ACSF2: variants seen among roughly 807,000 people sequenced by gnomAD.
ACSF2 encodes medium-chain acyl-CoA ligase ACSF2, mitochondrial.
ACSF2 carries 52 observed loss-of-function variants against 79.3 expected under a neutral mutation model. The ratio of observed to expected loss-of-function variants is 0.66; its 90% CI spans 0.53 to 0.83. ACSF2 has a LOEUF of 0.83. ACSF2 is among the 40% of genes least tolerant of loss of function. ACSF2 has a pLI of 0.00. For missense variants in ACSF2, 661 were observed against 803.3 expected (o/e 0.82, Z 2.14); for synonymous variants, 283 against 312.6 (o/e 0.91, Z 1.00).
At chr17:50,443,244 T>G (rs964708303) in intron 1 of ACSF2, among the ~76,000 whole-genome samples, 8 of 152,264 alleles carry the variant, frequency 5.3e-5, no homozygotes, top group South Asian at 4.1e-4. Context: ...TGTTGTTGTT[T>G]TTTAGAATAG....
intron 2 of ACSF2, 70 bp downstream of exon 2, chr17:50,460,942 C>G: frequency 6.6e-7 from 1 of 1,505,930 alleles, no homozygotes. Flanking sequence ...TGGGCAGAAC[C>G]AGGAGCGTGG....
At chr17:50,444,915 A>C (rs2031196510) in intron 1 of ACSF2, among the ~76,000 whole-genome samples, 1 of 151,928 alleles carries the variant, frequency 6.6e-6, no homozygotes, top group Non-Finnish European at 1.5e-5. Flanking sequence ...GCAATTAGAT[A>C]ATGTGGCTTT....
At position 50,463,529 on chromosome 17, in the gene ACSF2, A is replaced by C. The variant is rs775346381; in HGVS notation, c.1023A>C (p.Ala341=). The C allele has an allele frequency of 3.1e-6, 5 of 1,614,018 alleles. No homozygotes were observed. Among genetic ancestry groups the C allele is most frequent in the Non-Finnish European group, 4.2e-6 (5 of 1,180,020 alleles). The change falls in exon 8 of 16, where the codon GCA becomes GCC. Residue 341 remains alanine, a synonymous_variant. Transcript: ENST00000300441. The surrounding 1 kb of genome is among the most constrained non-coding windows in gnomAD (Gnocchi z 4.6). ...CTCCCATCTTCAATGGCAAGAAGGC[A>C]CTGGAGGCCATCAGCAGAGAGAGGT... is the stretch of plus-strand genomic sequence containing the variant. ...LASPIFNGKK[A]LEAISRERGT...
intron 1 of ACSF2, among the ~76,000 whole-genome samples, chr17:50,446,093 T>C (rs2031280744): frequency 6.6e-6 from 1 of 152,244 alleles, no homozygotes; most frequent in African/African-American, 2.4e-5. Context: ...AGATGTGTTT[T>C]CTTGGCTTGC....
At chr17:50,448,430 G>T (rs762246388) in intron 1 of ACSF2, among the ~76,000 whole-genome samples, 1 of 152,316 alleles carries the variant, frequency 6.6e-6, no homozygotes, top group Non-Finnish European at 1.5e-5. Flanking sequence ...AGGTGTGATT[G>T]TGTCACATTC....
chr17:50,440,271 T>C (rs1178866535), intron 1 of ACSF2, among the ~76,000 whole-genome samples: 1 of 151,434 alleles, frequency 6.6e-6, no homozygotes, highest in Non-Finnish European at 1.5e-5. Flanking sequence ...ATGGGGACTG[T>C]TCCTGCAGTC....
chr17:50,430,819 G>A (rs1288993348), intron 1 of ACSF2, among the ~76,000 whole-genome samples: 1 of 152,202 alleles, frequency 6.6e-6, no homozygotes, highest in African/African-American at 2.4e-5. Flanking sequence ...CTAGTTAGGA[G>A]CAAAATGCCT....
rs1322638797 is a variant in ACSF2, at chr17:50,463,729, C to A, written c.1047-89C>A. 3 of 1,505,306 alleles carry A rather than the reference C, an allele frequency of 2.0e-6. No individual in the cohort carries two copies. The highest frequency in any genetic ancestry group is 2.8e-6 in the Non-Finnish European group (3 of 1,089,294). The allele number at this position is 1,505,306 out of a possible 1,614,324, so 93.2% of individuals were successfully genotyped here. ...GCCTCAGGAGCTTCTCCTGCCTATTCCCTTTGCTGCAGTTTCATGGCGGGG... is the reference window on the plus strand; with the variant it reads ...GCCTCAGGAGCTTCTCCTGCCTATTACCTTTGCTGCAGTTTCATGGCGGGG... On this transcript the variant is annotated intron_variant, in intron 8 of 15. Coordinates refer to ENST00000300441, the MANE Select transcript of ACSF2 (RefSeq NM_025149.6). The surrounding 1 kb of genome is among the most constrained non-coding windows in gnomAD (Gnocchi z 4.6).
intron 1 of ACSF2, among the ~76,000 whole-genome samples, chr17:50,443,210 G>C (rs1377990223): frequency 6.6e-6 from 1 of 151,912 alleles, no homozygotes; most frequent in Non-Finnish European, 1.5e-5. Flanking sequence ...GCCCGGCCAG[G>C]TTTTTGTTTG....
intron 10 of ACSF2, chr17:50,468,307 T>C: frequency 6.2e-7 from 1 of 1,613,914 alleles, no homozygotes; most frequent in Middle Eastern, 1.6e-4. Flanking sequence ...GGTCCTTGGC[T>C]CCCTGGAAGG....
At chr17:50,439,109 C>T (rs935761001) in intron 1 of ACSF2, among the ~76,000 whole-genome samples, 1 of 151,546 alleles carries the variant, frequency 6.6e-6, no homozygotes. Context: ...TTGCTGTCTC[C>T]CAGGCTGCTG....
At chr17:50,462,324 G>A (rs758938078) in intron 5 of ACSF2, 22 bp downstream of exon 5, 5 of 1,612,966 alleles carry the variant, frequency 3.1e-6, no homozygotes, top group Admixed American at 3.3e-5. Flanking sequence ...CCAGGTTAGT[G>A]GGTGGTGCAT....
chr17:50,443,665 A>G (rs1051937426), intron 1 of ACSF2, among the ~76,000 whole-genome samples: 1 of 152,206 alleles, frequency 6.6e-6, no homozygotes, highest in Non-Finnish European at 1.5e-5. Context: ...GCTGGGGGGC[A>G]TGCTAAAGTG....
intron 10 of ACSF2, chr17:50,467,967 C>T: frequency 6.9e-7 from 1 of 1,459,082 alleles, no homozygotes; most frequent in South Asian, 1.4e-5. Flanking sequence ...ATGGTGCCAG[C>T]TGTGGCCCTG....
chr17:50,467,991 C>G, intron 10 of ACSF2: 1 of 1,517,108 alleles, frequency 6.6e-7, no homozygotes, highest in African/African-American at 1.4e-5. Flanking sequence ...CCTGGGGCCT[C>G]CAGGAAGGGA....
intron 12 of ACSF2, 158 bp from the exon 13 acceptor site, chr17:50,473,507 C>A: frequency 6.2e-6 from 6 of 970,170 alleles, no homozygotes; most frequent in Non-Finnish European, 9.1e-6. Context: ...CCTTACTGGA[C>A]TATTAATTCC....
chr17:50,442,854 T>C (rs538920882), intron 1 of ACSF2, among the ~76,000 whole-genome samples: 34 of 152,300 alleles, frequency 2.2e-4, no homozygotes, highest in Admixed American at 1.6e-3. Flanking sequence ...AATTTTTTTT[T>C]CCCAGTTCTT....
At chr17:50,470,565 C>A (rs2085648676) in intron 10 of ACSF2, among the ~76,000 whole-genome samples, 2 of 152,082 alleles carry the variant, frequency 1.3e-5, no homozygotes, top group Non-Finnish European at 2.9e-5. Flanking sequence ...GTCTGTGCCA[C>A]TCCTAGCTGG....
Position 50,426,400 on chromosome 17 carries a change from C to G in ACSF2, c.128+11C>G. The G allele has an allele frequency of 2.3e-6, 3 of 1,319,490 alleles. No homozygotes were observed. Among genetic ancestry groups the G allele is most frequent in the Admixed American group, 3.7e-5 (1 of 27,242 alleles). The allele number at this position is 1,319,490 out of a possible 1,614,324, so 81.7% of individuals were successfully genotyped here. ...TGTCCGCTTCCTCAGGTACTGGCCC[C>G]CCGCGGGAAGAGAGGGGGCGGGGCA... On this transcript the variant is annotated intron_variant, in intron 1 of 15. Coordinates refer to ENST00000300441, the MANE Select transcript of ACSF2 (RefSeq NM_025149.6).
Sources: gnomAD v4.1 joint callset for allele counts (sites outside exome capture counted in the v4.1 genomes callset) on GRCh38, gnomAD v4.1.1 for gene constraint, Gnocchi (gnomAD v3.1) non-coding constraint, MANE v1.5 for transcripts, NCBI Gene and HGNC (gene_info 2026-07-23, HGNC 2026-07-21) for gene names.